The following ADGRV1 variants were observed in gnomAD, a reference collection of about 807,000 sequenced individuals.
The protein encoded by ADGRV1 is G-protein coupled receptor 98.
A neutral mutation model predicts 596.2 loss-of-function variants in ADGRV1; 359 were observed. The observed-to-expected ratio is 0.60, with a 90% confidence interval of 0.55 to 0.66. The LOEUF is 0.66. Ranked by LOEUF, ADGRV1 falls within the 30% of genes least tolerant of loss-of-function variation. The pLI is 0.00. For synonymous variants in ADGRV1, 2,681 were observed against 2,679.2 expected (o/e 1.00, Z -0.02); for missense variants, 7,274 against 7,575.6 (o/e 0.96, Z 1.48).
intron 87 of ADGRV1, among the ~76,000 whole-genome samples, chr5:91,129,349 G>C (rs1582144161): frequency 1.3e-5 from 2 of 152,160 alleles, no homozygotes; most frequent in African/African-American, 4.8e-5. Flanking sequence ...GTTCTCCCCT[G>C]CCTGTGAGTT....
At chr5:91,124,300 AT>A (rs1416569792) in intron 87 of ADGRV1, among the ~76,000 whole-genome samples, 1 of 152,104 alleles carries the variant, frequency 6.6e-6, no homozygotes, top group Non-Finnish European at 1.5e-5. Flanking sequence ...AAAATTTTCT[AT>A]TGTGTTTATT....
chr5:90,560,614 A>G (rs1580265218), intron 1 of ADGRV1, among the ~76,000 whole-genome samples: 1 of 140,300 alleles, frequency 7.1e-6, no homozygotes, highest in Non-Finnish European at 1.5e-5. Context: ...CTATAAACTG[A>G]AGTAATCTTG....
At position 90,965,448 on chromosome 5, in the gene ADGRV1, C is replaced by T; in HGVS notation, c.17890C>T (p.Gln5964Ter). ...TCTGGCGTCTGCATACGCAAGTCCC[C>T]AACTCGCTGAGGAGAGCTGTTCAGC... ...LFLASAYASP[Q>*]LAEESCSAMA... Residue 5964 changes from glutamine to a stop codon, truncating the protein, a stop_gained, in exon 84 of 90, where the codon CAA becomes TAA. Coordinates refer to ENST00000405460, the MANE Select transcript of ADGRV1 (RefSeq NM_032119.4). LOFTEE classifies it high-confidence loss of function. The T allele has an allele frequency of 6.2e-7, 1 of 1,613,612 alleles. No homozygotes were observed. Among genetic ancestry groups the T allele is most frequent in the Non-Finnish European group, 8.5e-7 (1 of 1,179,570 alleles).
intron 21 of ADGRV1, among the ~76,000 whole-genome samples, chr5:90,666,442 C>A (rs1561487161): frequency 6.6e-6 from 1 of 151,864 alleles, no homozygotes; most frequent in Non-Finnish European, 1.5e-5. Context: ...GCAACACCTG[C>A]CTTTTTTTGT....
intron 4 of ADGRV1, among the ~76,000 whole-genome samples, chr5:90,622,385 GA>G (rs1219279347): frequency 2.0e-5 from 3 of 152,320 alleles, no homozygotes; most frequent in African/African-American, 7.2e-5. Context: ...TCTTTTGCCT[GA>G]CTAGTTTTTA....
chr5:90,559,018 C>T (rs1010785089), intron 1 of ADGRV1, 101 bp downstream of exon 1: 2 of 1,125,098 alleles, frequency 1.8e-6, no homozygotes, highest in Non-Finnish European at 2.4e-6. Context: ...GAGGGCGGCG[C>T]GGAGGGCGGG....
intron 33 of ADGRV1, among the ~76,000 whole-genome samples, chr5:90,695,019 G>A (rs1747007390): frequency 2.0e-5 from 3 of 152,128 alleles, no homozygotes; most frequent in Admixed American, 2.0e-4. Flanking sequence ...TTCTAATTTT[G>A]TAAGGGAAAT....
chr5:90,733,507 T>C (rs1752816130), intron 50 of ADGRV1, among the ~76,000 whole-genome samples: 1 of 152,146 alleles, frequency 6.6e-6, no homozygotes, highest in African/African-American at 2.4e-5. Flanking sequence ...TTAGCACAAA[T>C]ACAGGAGTCA....
chr5:90,885,749 A>G (rs915390674), intron 83 of ADGRV1, among the ~76,000 whole-genome samples: 5 of 152,160 alleles, frequency 3.3e-5, no homozygotes, highest in Non-Finnish European at 7.4e-5. Flanking sequence ...TGGTTAGAGG[A>G]AGAGATAGAA....
chr5:91,007,180 A>G lies in ADGRV1; in HGVS notation c.18152+21658A>G, dbSNP rs142669506. Reference sequence around the variant, plus strand: ...AACAAAAAATCTTCACCAGTTGAACATATTGCTGGGGCCACTCCTGACCCT... The same window carrying G: ...AACAAAAAATCTTCACCAGTTGAACGTATTGCTGGGGCCACTCCTGACCCT... On this transcript the variant is annotated intron_variant, in intron 85 of 89. Transcript: ENST00000405460. Among the ~76,000 whole-genome samples, 215 of 152,314 alleles carry G rather than the reference A, an allele frequency of 1.4e-3. 1 individual carries two copies. Among genetic ancestry groups the G allele is most frequent in the African/African-American group, 5.0e-3 (209 of 41,574 alleles).
At chr5:90,781,718 T>G in intron 65 of ADGRV1, 140 bp downstream of exon 65, 1 of 737,394 alleles carries the variant, frequency 1.4e-6, no homozygotes, top group Non-Finnish European at 2.1e-6. Context: ...TTATATTTAT[T>G]TACTTATTTG....
intron 64 of ADGRV1, 80 bp downstream of exon 64, chr5:90,779,177 A>G: frequency 1.3e-6 from 1 of 791,454 alleles, no homozygotes; most frequent in East Asian, 2.7e-5. Flanking sequence ...AGAGATTAAT[A>G]CTGAGCTCTA....
rs757909771 is a variant in ADGRV1, at chr5:90,851,134, T to TGTGTGTGTGTGTGAGAGAGAGA, written c.17205-2149_17205-2148insTGTGTGTGTGTGAGAGAGAGAG. Among the ~76,000 whole-genome samples, 610 of 81,428 alleles carry TGTGTGTGTGTGTGAGAGAGAGA rather than the reference T, an allele frequency of 7.5e-3. 15 individuals carry two copies. The highest frequency in any genetic ancestry group is 0.013 in the Non-Finnish European group (476 of 37,872). 53.4% of individuals were successfully genotyped at this position (81,428 alleles called of 152,430 possible). On this transcript the variant is annotated intron_variant, in intron 79 of 89. Transcript: ENST00000405460. ...GTGTGTGTGTGTGTGTGTGTGTGTG[T>TGTGTGTGTGTGTGAGAGAGAGA]GAGAGAGAGAGAGAGAGAGAGAGAG...
intron 85 of ADGRV1, among the ~76,000 whole-genome samples, chr5:90,991,318 T>C (rs1034672778): frequency 6.6e-6 from 1 of 152,256 alleles, no homozygotes; most frequent in Non-Finnish European, 1.5e-5. Flanking sequence ...AAATAACTTA[T>C]TGAATAATGA....
chr5:90,709,536 T>C (rs1749060207), intron 39 of ADGRV1, among the ~76,000 whole-genome samples: 1 of 152,124 alleles, frequency 6.6e-6, no homozygotes, highest in South Asian at 2.1e-4. Context: ...TAGAGGGTGG[T>C]GCTGAGTTGG....
At chr5:91,157,405 C>A (rs926051870) in intron 89 of ADGRV1, among the ~76,000 whole-genome samples, 1 of 152,156 alleles carries the variant, frequency 6.6e-6, no homozygotes, top group Non-Finnish European at 1.5e-5. Context: ...TGCTAACTAC[C>A]TTAGCAATGC....
chr5:90,813,000 G>A (rs1762570100), intron 74 of ADGRV1, among the ~76,000 whole-genome samples: 1 of 151,082 alleles, frequency 6.6e-6, no homozygotes, highest in Non-Finnish European at 1.5e-5. Flanking sequence ...AGGCATGGTG[G>A]CAGGCACCTG....
chr5:90,770,253 C>T (rs1267144081), intron 59 of ADGRV1, among the ~76,000 whole-genome samples: 1 of 151,868 alleles, frequency 6.6e-6, no homozygotes, highest in African/African-American at 2.4e-5. Flanking sequence ...ATAAAACCAT[C>T]AAATCTTGTG....
chr5:90,731,489 T>C (rs1458787481), intron 50 of ADGRV1, among the ~76,000 whole-genome samples: 3 of 151,784 alleles, frequency 2.0e-5, no homozygotes, highest in African/African-American at 7.3e-5. Context: ...AGAATTGGAG[T>C]GATTAAGAGA....
Sources: gnomAD v4.1 joint callset for allele counts (sites outside exome capture counted in the v4.1 genomes callset) on GRCh38, gnomAD v4.1.1 for gene constraint, MANE v1.5 for transcripts, NCBI Gene and HGNC (gene_info 2026-07-23, HGNC 2026-07-21) for gene names.